Variants in AP2M1 observed in about 807,000 individuals in gnomAD.
AP2M1 encodes adaptor related protein complex 2 subunit mu 1.
AP2M1 carries 5 observed loss-of-function variants against 54.5 expected under a neutral mutation model. That is an observed-to-expected ratio of 0.09 (90% CI 0.05 to 0.19). The LOEUF (loss-of-function observed/expected upper bound fraction) is 0.19. AP2M1 is among the 10% of genes least tolerant of loss of function. The probability of loss-of-function intolerance (pLI) is 1.00; values close to 1 mark genes in which losing one functional copy is unlikely to be tolerated. For synonymous variants in AP2M1, 186 were observed against 208.2 expected, an observed-to-expected ratio of 0.89 and a Z score of 0.92; for missense variants, 178 against 580.2, an observed-to-expected ratio of 0.31 and a Z score of 7.12.
chr3:184,177,747 C>T, intron 2 of AP2M1: 1 of 852,554 alleles, frequency 1.2e-6, no homozygotes. Flanking sequence ...CCTTGCACGC[C>T]CTTGTTCTTT....
Position 184,176,979 on chromosome 3 carries a change from G to T in AP2M1, c.-15G>T, listed in dbSNP as rs1715095082. On this transcript the variant is annotated 5_prime_UTR_variant, in exon 2 of 12. Transcript: ENST00000292807. ...TGTTCTCAGAGCGATGGGCCGCGGAGACTGATCTGCCGCCATGATTGGAGG... is the reference window on the plus strand; with the variant it reads ...TGTTCTCAGAGCGATGGGCCGCGGATACTGATCTGCCGCCATGATTGGAGG... 6.2e-7 allele frequency: 1 copy of T among 1,613,396 alleles called. No individual in the cohort carries two copies. Among genetic ancestry groups the T allele is most frequent in the Admixed American group, 1.7e-5 (1 of 59,964 alleles).
At position 184,181,282 on chromosome 3, in the gene AP2M1, G is replaced by A; in HGVS notation, c.707+56G>A. On this transcript the variant is annotated intron_variant, in intron 7 of 11. Coordinates refer to ENST00000292807, the MANE Select transcript of AP2M1 (RefSeq NM_004068.4). The surrounding 1 kb of genome is among the most constrained non-coding windows in gnomAD (Gnocchi z 5.7). ...GGTGTCCCTTGGAGGGCTCAGTGGG[G>A]TCTAGTGAACCACAAGTTTCTTCTG... The A allele has an allele frequency of 1.9e-6, 3 of 1,603,370 alleles. No homozygotes were observed. The highest frequency in any genetic ancestry group is 2.2e-5 in the East Asian group (1 of 44,696).
intron 3 of AP2M1, among the ~76,000 whole-genome samples, chr3:184,179,523 A>G (rs1715199513): frequency 6.6e-6 from 1 of 152,074 alleles, no homozygotes; most frequent in Non-Finnish European, 1.5e-5. Flanking sequence ...GTGCACTGTT[A>G]TCTCTGTTCC....
chr3:184,182,441 C>T lies in AP2M1; in HGVS notation c.1061+193C>T. The T allele has an allele frequency of 3.2e-6, 2 of 624,412 alleles. No individual in the cohort carries two copies. The highest frequency in any genetic ancestry group is 5.5e-6 in the Non-Finnish European group (2 of 361,512). The allele number at this position is 624,412 out of a possible 1,614,324, so 38.7% of individuals were successfully genotyped here. A position where few individuals can be genotyped will look rare whatever the true frequency, so the allele number is the denominator to read the frequency against. ...GCCTGCATTTGGGTTCATGCACGTG[C>T]TTATTTTTTAAGATGCTTTGGCATT... is the stretch of plus-strand genomic sequence containing the variant. On this transcript the variant is annotated intron_variant, in intron 10 of 11. Coordinates refer to ENST00000292807, the MANE Select transcript of AP2M1 (RefSeq NM_004068.4). This position sits in a 1 kb window ranked among gnomAD's most constrained non-coding sequence, Gnocchi z 5.5.
At chr3:184,176,759 T>C (rs959493180) in intron 1 of AP2M1, 192 bp from the exon 2 acceptor site, 5 of 501,862 alleles carry the variant, frequency 1.0e-5, no homozygotes, top group Non-Finnish European at 1.7e-5. Context: ...TCTCTCTGTT[T>C]CTTTCTCCCA....
chr3:184,183,002 A>G lies in AP2M1; in HGVS notation c.1173+134A>G, dbSNP rs1196962616. 1 of 774,694 alleles carries G rather than the reference A, an allele frequency of 1.3e-6. No individual in the cohort carries two copies. Among genetic ancestry groups the G allele is most frequent in the Non-Finnish European group, 2.3e-6 (1 of 442,330 alleles). The allele number at this position is 774,694 out of a possible 1,614,324, so 48.0% of individuals were successfully genotyped here. On this transcript the variant is annotated intron_variant, in intron 11 of 11. Transcript: ENST00000292807. This position sits in a 1 kb window ranked among gnomAD's most constrained non-coding sequence, Gnocchi z 5.7. ...AAGAAGAACTGGCTTTAATTCATAG[A>G]TCCATTCTTCCCCTTTCAAGCCTCT...
At chr3:184,179,217 A>G (rs1180411435) in intron 3 of AP2M1, 95 bp downstream of exon 3, 7 of 1,451,174 alleles carry the variant, frequency 4.8e-6, no homozygotes, top group South Asian at 1.3e-5. Flanking sequence ...AGGCTCTGGT[A>G]CACTCTGAAC....
rs1560127152 is a variant in AP2M1, at chr3:184,181,741, T to C, written c.753T>C (p.Cys251=). The change falls in exon 8 of 12, where the codon TGT becomes TGC. Residue 251 remains cysteine (C), a synonymous_variant. Transcript: ENST00000292807. The surrounding 1 kb of genome is among the most constrained non-coding windows in gnomAD (Gnocchi z 5.7). ...TTGATGACTGCACCTTCCACCAGTG[T>C]GTGCGACTCAGCAAGTTTGACTCTG... The part of the protein sequence containing the change: ...IAIDDCTFHQ[C]VRLSKFDSER... 6.2e-7 allele frequency: 1 copy of C among 1,614,090 alleles called. No homozygotes were observed. Among genetic ancestry groups the C allele is most frequent in the Non-Finnish European group, 8.5e-7 (1 of 1,179,940 alleles).
chr3:184,178,943 G>C lies in AP2M1; in HGVS notation c.161G>C (p.Ser54Thr). 1.2e-6 allele frequency: 2 copies of C among 1,614,198 alleles called. No individual in the cohort carries two copies. Among genetic ancestry groups the C allele is most frequent in the South Asian group, 1.1e-5 (1 of 91,082 alleles). ...RSPVTNIART[S>T]FFHVKRSNIW... The stretch of plus-strand genomic sequence containing the variant: ...CCCGTCACCAACATTGCTCGCACCA[G>C]CTTCTTCCACGTTAAGCGGTCCAAC... The change falls in exon 3 of 12, where the codon AGC becomes ACC. Residue 54 changes from serine (S) to threonine (T), a missense_variant. Ser to Thr is a moderately conservative substitution (Grantham distance 58). This residue lies in a region of AP2M1 where 115 missense variants were observed against 331.2 expected (regional missense o/e 0.35). Coordinates refer to ENST00000292807, the MANE Select transcript of AP2M1 (RefSeq NM_004068.4). The surrounding 1 kb of genome is among the most constrained non-coding windows in gnomAD (Gnocchi z 4.9).
rs374128335 is a variant in AP2M1, at chr3:184,182,273, C to T, written c.1061+25C>T. The T allele has an allele frequency of 6.8e-6, 11 of 1,608,990 alleles. No homozygotes were observed. The highest frequency in any genetic ancestry group is 1.7e-4 in the Middle Eastern group (1 of 5,968). On this transcript the variant is annotated intron_variant, in intron 10 of 11. Coordinates refer to ENST00000292807, the MANE Select transcript of AP2M1 (RefSeq NM_004068.4). This position sits in a 1 kb window ranked among gnomAD's most constrained non-coding sequence, Gnocchi z 5.5. ...AGTGAGTCTTTCCTTCATTAGGCCA[C>T]AGCAGGGCTCAAGATCCCAGTATAC...
chr3:184,177,667 G>A (rs1346258392), intron 2 of AP2M1: 2 of 1,477,964 alleles, frequency 1.4e-6, no homozygotes, highest in Non-Finnish European at 9.1e-7. Context: ...TACCCTCTCA[G>A]TAGACCCAGA....
In AP2M1 at chr3:184,181,319, C is replaced by T; in HGVS notation, c.707+93C>T. ...ACAAGTTTCTTCTGGATTTCATTCCCACTGTAATTGCAAACTCTGTTCCTG... is the reference window on the plus strand; with the variant it reads ...ACAAGTTTCTTCTGGATTTCATTCCTACTGTAATTGCAAACTCTGTTCCTG... On this transcript the variant is annotated intron_variant, in intron 7 of 11. Coordinates refer to ENST00000292807, the MANE Select transcript of AP2M1 (RefSeq NM_004068.4). This position sits in a 1 kb window ranked among gnomAD's most constrained non-coding sequence, Gnocchi z 5.7. 1.3e-6 allele frequency: 2 copies of T among 1,559,360 alleles called. No individual in the cohort carries two copies. Among genetic ancestry groups the T allele is most frequent in the East Asian group, 2.3e-5 (1 of 44,408 alleles).
At chr3:184,177,466 C>G in intron 2 of AP2M1, 1 of 1,366,678 alleles carries the variant, frequency 7.3e-7, no homozygotes, top group Non-Finnish European at 1.0e-6. Flanking sequence ...AGAAGCCCTT[C>G]CCATATCAAA....
intron 1 of AP2M1, chr3:184,176,642 A>T: frequency 8.2e-6 from 3 of 367,078 alleles, no homozygotes; most frequent in Non-Finnish European, 1.5e-5. Context: ...GAGGGGGCCG[A>T]AAAGGATCAT....
In AP2M1 at chr3:184,174,875, A is replaced by AGCGGGCAGACGAGCAGGGG. The variant is rs1715005301; in HGVS notation, c.-121_-103dup. 1 of 398,062 alleles carries AGCGGGCAGACGAGCAGGGG rather than the reference A, an allele frequency of 2.5e-6. No homozygotes were observed. Among genetic ancestry groups the AGCGGGCAGACGAGCAGGGG allele is most frequent in the African/African-American group, 2.1e-5 (1 of 48,596 alleles). 24.7% of individuals were successfully genotyped at this position (398,062 alleles called of 1,614,324 possible). On this transcript the variant is annotated 5_prime_UTR_variant, in exon 1 of 12. Coordinates refer to ENST00000292807, the MANE Select transcript of AP2M1 (RefSeq NM_004068.4). ...GCGGCACTGCGGTGAAAGCCGAGGC[A>AGCGGGCAGACGAGCAGGGG]GCGGGCAGACGAGCAGGGGGCGGGC...
Position 184,178,490 on chromosome 3 carries a change from T to C in AP2M1, c.75-367T>C, listed in dbSNP as rs1165596373. ...ACTGAAGAAGCAGTGTCTCTTTCTGTCCTGGACCTGGGAGCTTACAGGGAA... is the reference window on the plus strand; with the variant it reads ...ACTGAAGAAGCAGTGTCTCTTTCTGCCCTGGACCTGGGAGCTTACAGGGAA... On this transcript the variant is annotated intron_variant, in intron 2 of 11. Coordinates refer to ENST00000292807, the MANE Select transcript of AP2M1 (RefSeq NM_004068.4). The surrounding 1 kb of genome is among the most constrained non-coding windows in gnomAD (Gnocchi z 4.9). 6.6e-6 allele frequency among the ~76,000 whole-genome samples: 1 copy of C among 152,228 alleles called. No homozygotes were observed. Among genetic ancestry groups the C allele is most frequent in the Non-Finnish European group, 1.5e-5 (1 of 68,046 alleles).
At position 184,182,064 on chromosome 3, in the gene AP2M1, CAAG is replaced by C. The variant is rs1163661865; in HGVS notation, c.963+18_963+20del. ...AAGATCGAGGTGAGGACAGGGGGCT[CAAG>C]GAGGAGGAAGAACTTGTCCCTAGGA... On this transcript the variant is annotated intron_variant, in intron 9 of 11. Coordinates refer to ENST00000292807, the MANE Select transcript of AP2M1 (RefSeq NM_004068.4). The surrounding 1 kb of genome is among the most constrained non-coding windows in gnomAD (Gnocchi z 5.5). 17 of 1,611,898 alleles carry C rather than the reference CAAG, an allele frequency of 1.1e-5. No individual in the cohort carries two copies. Among genetic ancestry groups the C allele is most frequent in the Non-Finnish European group, 1.4e-5 (16 of 1,178,648 alleles).
chr3:184,180,603 T>G lies in AP2M1; in HGVS notation c.424-42T>G, dbSNP rs369009998. 49 of 1,613,192 alleles carry G rather than the reference T, an allele frequency of 3.0e-5. No individual in the cohort carries two copies. The highest frequency in any genetic ancestry group is 1.1e-4 in the African/African-American group (8 of 74,928). On this transcript the variant is annotated intron_variant, in intron 4 of 11. Coordinates refer to ENST00000292807, the MANE Select transcript of AP2M1 (RefSeq NM_004068.4). The surrounding 1 kb of genome is among the most constrained non-coding windows in gnomAD (Gnocchi z 4.9). ...CTTTCTCCTCCTTTTCTGCCTCCCT[T>G]GCTGCTTCATGTGGGCACCTCGTTG...
Position 184,181,175 on chromosome 3 carries a change from A to G in AP2M1, c.656A>G (p.Lys219Arg). Reference sequence around the variant, plus strand: ...GAATGCAAGTTTGGGATGAATGACAAGATTGTTATTGAAAAGCAGGGCAAA... The same window carrying G: ...GAATGCAAGTTTGGGATGAATGACAGGATTGTTATTGAAAAGCAGGGCAAA... ...MPECKFGMND[K>R]IVIEKQGKGT... The change falls in exon 7 of 12, where the codon AAG (lysine) becomes AGG (arginine). Residue 219 changes from lysine (K) to arginine (R), a missense_variant. Physicochemically the swap from Lys to Arg is conservative, Grantham distance 26. Coordinates refer to ENST00000292807, the MANE Select transcript of AP2M1 (RefSeq NM_004068.4). This position sits in a 1 kb window ranked among gnomAD's most constrained non-coding sequence, Gnocchi z 5.7. 1 of 1,614,154 alleles carries G rather than the reference A, an allele frequency of 6.2e-7. No homozygotes were observed. Among genetic ancestry groups the G allele is most frequent in the East Asian group, 2.2e-5 (1 of 44,872 alleles).
Sources: allele counts gnomAD v4.1 joint callset (sites outside exome capture counted in the v4.1 genomes callset), GRCh38; gene constraint gnomAD v4.1.1; regional missense constraint gnomAD v4.1.1; non-coding constraint Gnocchi (gnomAD v3.1); transcripts MANE v1.5; gene names NCBI Gene and HGNC (gene_info 2026-07-23, HGNC 2026-07-21).